TAFA5: variants seen among roughly 807,000 people sequenced by gnomAD.
The protein encoded by TAFA5 is chemokine-like protein TAFA-5.
TAFA5 carries 6 observed loss-of-function variants against 15.3 expected under a neutral mutation model. The ratio of observed to expected loss-of-function variants is 0.39; its 90% CI spans 0.21 to 0.77. The LOEUF is 0.77. TAFA5 is among the 30% of genes least tolerant of loss of function. The probability of loss-of-function intolerance (pLI) is 0.41; values close to 1 mark genes in which losing one functional copy is unlikely to be tolerated. For missense variants in TAFA5, 161 were observed against 193.1 expected, an observed-to-expected ratio of 0.83 and a Z score of 0.98; for synonymous variants, 103 against 80.7, an observed-to-expected ratio of 1.28 and a Z score of -1.48.
At chr22:48,554,027 CT>C (rs1229925222) in intron 1 of TAFA5, among the ~76,000 whole-genome samples, 1 of 152,222 alleles carries the variant, frequency 6.6e-6, no homozygotes, top group Non-Finnish European at 1.5e-5. Flanking sequence ...CACAGGCTTC[CT>C]TTTTATCCTG....
rs559745790 is a variant in TAFA5, at chr22:48,687,999, T to C, written c.263-19718T>C. The stretch of plus-strand genomic sequence containing the variant: ...TAGGAATTTGCCTGAGGAACATGAT[T>C]AGAGGGTTTTTTTTTTTCTTCCACT... On this transcript the variant is annotated intron_variant, in intron 2 of 3. Coordinates refer to ENST00000402357, the MANE Select transcript of TAFA5 (RefSeq NM_001082967.3). 9.2e-5 allele frequency among the ~76,000 whole-genome samples: 11 copies of C among 119,600 alleles called. No homozygotes were observed. In the East Asian group the frequency reaches 1.7e-3, roughly 18 times the overall value. The allele number at this position is 119,600 out of a possible 152,430, so 78.5% of individuals were successfully genotyped here. A position where few individuals can be genotyped will look rare whatever the true frequency, so the allele number is the denominator to read the frequency against.
At chr22:48,718,789 C>T (rs1410986672) in intron 3 of TAFA5, among the ~76,000 whole-genome samples, 1 of 152,178 alleles carries the variant, frequency 6.6e-6, no homozygotes, top group African/African-American at 2.4e-5. Flanking sequence ...TCCGTGTGAG[C>T]CTCTTCCCTC....
intron 1 of TAFA5, among the ~76,000 whole-genome samples, chr22:48,632,367 G>T (rs922674216): frequency 6.6e-6 from 1 of 152,294 alleles, no homozygotes; most frequent in Non-Finnish European, 1.5e-5. Context: ...ATCCCACAGG[G>T]CAGTCTTATA....
chr22:48,621,627 C>T (rs765691340), intron 1 of TAFA5, among the ~76,000 whole-genome samples: 7 of 152,162 alleles, frequency 4.6e-5, no homozygotes, highest in East Asian at 1.9e-4. Flanking sequence ...CCACTGAGTC[C>T]GGCTGTGGCC....
intron 1 of TAFA5, among the ~76,000 whole-genome samples, chr22:48,627,461 C>G (rs879297163): frequency 3.9e-5 from 6 of 152,266 alleles, no homozygotes; most frequent in Non-Finnish European, 7.3e-5. Flanking sequence ...GTCGCGACAG[C>G]GCACGCAAAG....
At chr22:48,658,260 G>A (rs896944133) in intron 2 of TAFA5, among the ~76,000 whole-genome samples, 3 of 152,170 alleles carry the variant, frequency 2.0e-5, no homozygotes, top group Non-Finnish European at 2.9e-5. Flanking sequence ...GAGCAGCGAG[G>A]TCTTACGACT....
intron 1 of TAFA5, among the ~76,000 whole-genome samples, chr22:48,541,991 C>T (rs899580893): frequency 1.3e-5 from 2 of 152,182 alleles, no homozygotes; most frequent in East Asian, 1.9e-4. Context: ...GTGCAGGGCC[C>T]AGCATCAATC....
rs372492955 is a variant in TAFA5, at chr22:48,525,187, G to GGGTGACCC, written c.112+35492_112+35499dup. ...TCTAAAAACGTCCCTTTGCCATGTA[G>GGGTGACCC]GGTGACCCGGTGACCCATTCACAGG... On this transcript the variant is annotated intron_variant, in intron 1 of 3. Transcript: ENST00000402357. Among the ~76,000 whole-genome samples the GGGTGACCC allele has an allele frequency of 4.5e-4, 68 of 152,288 alleles. No individual in the cohort carries two copies. The Middle Eastern group carries it at 0.01, about 23-fold the overall frequency.
chr22:48,593,379 C>A (rs1390286398), intron 1 of TAFA5, among the ~76,000 whole-genome samples: 1 of 152,154 alleles, frequency 6.6e-6, no homozygotes, highest in African/African-American at 2.4e-5. Flanking sequence ...TCTCAAATTA[C>A]TGATGGTGAC....
intron 1 of TAFA5, among the ~76,000 whole-genome samples, chr22:48,638,770 C>T (rs1220060491): frequency 4.8e-5 from 6 of 123,728 alleles, no homozygotes; most frequent in Non-Finnish European, 9.7e-5. Flanking sequence ...GGGACCCCCC[C>T]CATCCCCCGA....
Position 48,744,649 on chromosome 22 carries a change from G to A in TAFA5, c.391-5190G>A, listed in dbSNP as rs536625345. On this transcript the variant is annotated intron_variant, in intron 3 of 3. Coordinates refer to ENST00000402357, the MANE Select transcript of TAFA5 (RefSeq NM_001082967.3). ...TGCTAAACCTGTGTGCTCTTCCGGC[G>A]ACACGGTCCTAACTTGGGTGGTTTC... Among the ~76,000 whole-genome samples, 6 of 152,286 alleles carry A rather than the reference G, an allele frequency of 3.9e-5. No individual in the cohort carries two copies. The East Asian group carries it at 9.7e-4, about 24-fold the overall frequency.
chr22:48,644,536 G>A (rs1376298328), intron 1 of TAFA5, among the ~76,000 whole-genome samples: 1 of 152,224 alleles, frequency 6.6e-6, no homozygotes, highest in African/African-American at 2.4e-5. Context: ...ACTCCCCAGG[G>A]TTGAGGACAG....
intron 1 of TAFA5, among the ~76,000 whole-genome samples, chr22:48,503,844 G>A (rs921662705): frequency 6.6e-6 from 1 of 152,176 alleles, no homozygotes; most frequent in South Asian, 2.1e-4. Context: ...CAGACGTCAG[G>A]TGGCTTTTGT....
chr22:48,592,464 C>T (rs1005020947), intron 1 of TAFA5, among the ~76,000 whole-genome samples: 2 of 152,246 alleles, frequency 1.3e-5, no homozygotes, highest in Admixed American at 6.5e-5. Flanking sequence ...TTGCACTCAG[C>T]TCTCTGCTGT....
intron 1 of TAFA5, among the ~76,000 whole-genome samples, chr22:48,606,715 G>A (rs1433767735): frequency 3.3e-5 from 5 of 152,194 alleles, no homozygotes; most frequent in East Asian, 1.9e-4. Flanking sequence ...ATTAGCGATC[G>A]CTGCTTAGGA....
chr22:48,526,401 C>G (rs985621706), intron 1 of TAFA5, among the ~76,000 whole-genome samples: 3 of 152,170 alleles, frequency 2.0e-5, no homozygotes, highest in Non-Finnish European at 4.4e-5. Flanking sequence ...GAGCAGGTGC[C>G]CCAGTCAAGT....
At chr22:48,735,878 G>A (rs1190675894) in intron 3 of TAFA5, among the ~76,000 whole-genome samples, 9 of 141,756 alleles carry the variant, frequency 6.3e-5, no homozygotes, top group Middle Eastern at 4.6e-3. Context: ...TCCCCCGCAG[G>A]AGGAATGAGA....
rs573046450 is a variant in TAFA5 at position 48,747,266 on chromosome 22, T to C, written c.391-2573T>C. ...AATGCCCTGTAGCCTGAGTCCCTGA[T>C]GTTCTGCATGGTGATTTGAACAGCA... On this transcript the variant is annotated intron_variant, in intron 3 of 3. Transcript: ENST00000402357. Among the ~76,000 whole-genome samples the C allele has an allele frequency of 6.6e-5, 10 of 152,334 alleles. No individual in the cohort carries two copies. In the South Asian group the frequency reaches 2.1e-3, roughly 32 times the overall value.
chr22:48,725,345 G>A (rs529558754), intron 3 of TAFA5, among the ~76,000 whole-genome samples: 5 of 152,208 alleles, frequency 3.3e-5, no homozygotes, highest in African/African-American at 4.8e-5. Flanking sequence ...GTATGAGCCC[G>A]TAAAAAAGTA....
Sources: gnomAD v4.1 joint callset for allele counts (sites outside exome capture counted in the v4.1 genomes callset) on GRCh38, gnomAD v4.1.1 for gene constraint, MANE v1.5 for transcripts, NCBI Gene and HGNC (gene_info 2026-07-23, HGNC 2026-07-21) for gene names.